Variants in TMEM145 observed in about 807,000 individuals in gnomAD.
TMEM145 encodes the protein transmembrane protein 145.
TMEM145 carries 46 observed loss-of-function variants against 68.5 expected under a neutral mutation model. That is an observed-to-expected ratio of 0.67 (90% CI 0.53 to 0.86). The LOEUF (loss-of-function observed/expected upper bound fraction) is 0.86. Among genes scored for constraint, TMEM145 ranks in the 40% least tolerant of loss-of-function variants. TMEM145 has a pLI of 0.00. For synonymous variants in TMEM145, 255 were observed against 280.2 expected, an observed-to-expected ratio of 0.91 and a Z score of 0.90; for missense variants, 570 against 645.8, an observed-to-expected ratio of 0.88 and a Z score of 1.27.
intron 6 of TMEM145, 25 bp from the exon 7 acceptor site, chr19:42,315,163 C>T: frequency 6.2e-7 from 1 of 1,613,388 alleles, no homozygotes; most frequent in African/African-American, 1.3e-5. Context: ...CTGAATGAAC[C>T]TTACTCCTCC....
rs142180057 is a variant in TMEM145 at position 42,315,108 on chromosome 19, C to T, written c.505+31C>T. On this transcript the variant is annotated intron_variant, in intron 6 of 14. Coordinates refer to ENST00000301204, the MANE Select transcript of TMEM145 (RefSeq NM_173633.3). ...CACGTGGGGACCTAGAAACCAGGCT[C>T]TCTGTGGGACACCAGAGCTGGGTGC... is the stretch of plus-strand genomic sequence containing the variant. The T allele has an allele frequency of 1.1e-4, 175 of 1,614,196 alleles. No individual in the cohort carries two copies. The African/African-American group carries it at 1.9e-3, about 17-fold the overall frequency.
At chr19:42,316,327 G>T (rs965765298) in intron 8 of TMEM145, among the ~76,000 whole-genome samples, 154 bp from the exon 9 acceptor site, 3 of 151,882 alleles carry the variant, frequency 2.0e-5, no homozygotes, top group Admixed American at 2.0e-4. Context: ...GTTGGGGGCT[G>T]GACTCCAGAT....
rs1336213620 is a variant in TMEM145 at position 42,316,921 on chromosome 19, G to C, written c.858G>C (p.Leu286=). 1.2e-6 allele frequency: 2 copies of C among 1,613,748 alleles called. No homozygotes were observed. Among genetic ancestry groups the C allele is most frequent in the Non-Finnish European group, 1.7e-6 (2 of 1,179,950 alleles). The change falls in exon 11 of 15, where the codon CTG becomes CTC. Residue 286 remains leucine (L), a synonymous_variant. Coordinates refer to ENST00000301204, the MANE Select transcript of TMEM145 (RefSeq NM_173633.3). The part of the protein sequence containing the change: ...GSVKLSVYMT[L]YTLTHVVLLI... ...TGAAGTTGTCTGTCTACATGACCCT[G>C]TACACGCTCACCCATGTGGTGCTGC...
chr19:42,316,835 C>T, intron 10 of TMEM145, 35 bp from the exon 11 acceptor site: 1 of 1,611,848 alleles, frequency 6.2e-7, no homozygotes, highest in Non-Finnish European at 8.5e-7. Flanking sequence ...CTGACGGCCC[C>T]CACCCTGCTG....
chr19:42,317,792 G>A lies in TMEM145; in HGVS notation c.984G>A (p.Val328=). 1 of 1,614,200 alleles carries A rather than the reference G, an allele frequency of 6.2e-7. No homozygotes were observed. The highest frequency in any genetic ancestry group is 8.5e-7 in the Non-Finnish European group (1 of 1,180,042). The change falls in exon 12 of 15, where the codon GTG becomes GTA. Residue 328 remains valine (V), a synonymous_variant. Coordinates refer to ENST00000301204, the MANE Select transcript of TMEM145 (RefSeq NM_173633.3). ...TTGGACTGCAGGTGGCGGCCTACGT[G>A]TGGTTCTGCTATGCTGTGCTTGTCT... ...GLIGLQVAAY[V]WFCYAVLVSL...
chr19:42,318,300 G>A (rs547874788), intron 12 of TMEM145, among the ~76,000 whole-genome samples: 3 of 150,268 alleles, frequency 2.0e-5, no homozygotes, highest in Admixed American at 6.6e-5. Context: ...CCCAGGAGGC[G>A]GAGCTTGCAG....
chr19:42,321,403 T>TA (rs2038910916), intron 13 of TMEM145: 1 of 339,448 alleles, frequency 2.9e-6, no homozygotes. Context: ...TTTTTTTTTT[T>TA]TTTTGAGACG....
chr19:42,320,723 G>T (rs1048449612), intron 13 of TMEM145, among the ~76,000 whole-genome samples: 1 of 151,844 alleles, frequency 6.6e-6, no homozygotes. Flanking sequence ...CGCCTCCCGG[G>T]TTCAAGTGAT....
chr19:42,315,427 A>G lies in TMEM145; in HGVS notation c.633A>G (p.Ala211=). 6.2e-7 allele frequency: 1 copy of G among 1,614,138 alleles called. No individual in the cohort carries two copies. The highest frequency in any genetic ancestry group is 8.5e-7 in the Non-Finnish European group (1 of 1,180,022). ...CAACTTATAAAATGTTCATGGCCGCAGCAGGAGTAGAGGGTGAGGTTCCGT... is the reference window on the plus strand; with the variant it reads ...CAACTTATAAAATGTTCATGGCCGCGGCAGGAGTAGAGGGTGAGGTTCCGT... ...LHTTYKMFMA[A]AGVEVLSLLF... Residue 211 remains alanine, a synonymous_variant, in exon 8 of 15, where the codon GCA becomes GCG. Coordinates refer to ENST00000301204, the MANE Select transcript of TMEM145 (RefSeq NM_173633.3).
At chr19:42,319,591 C>T (rs1032626865) in intron 12 of TMEM145, among the ~76,000 whole-genome samples, 1 of 151,438 alleles carries the variant, frequency 6.6e-6, no homozygotes, top group Non-Finnish European at 1.5e-5. Flanking sequence ...GGACTACAGG[C>T]GCATGCCACC....
rs1254341430 is a variant in TMEM145 at position 42,324,783 on chromosome 19, A to G, written c.1448A>G (p.Asp483Gly). The change falls in exon 15 of 15, where the codon GAC becomes GGC. Residue 483 changes from aspartate (D) to glycine (G), a missense_variant. Physicochemically the swap from Asp to Gly is moderately conservative, Grantham distance 94. Transcript: ENST00000301204. ...APDSGLPLFR[D>G]LRPPGPLRDL ...GATTCTGGGCTCCCGCTGTTCCGTG[A>G]CCTCCGGCCCCCTGGCCCCCTTCGA... 1.3e-6 allele frequency: 2 copies of G among 1,561,540 alleles called. No individual in the cohort carries two copies. The highest frequency in any genetic ancestry group is 2.5e-5 in the East Asian group (1 of 39,962).
intron 12 of TMEM145, among the ~76,000 whole-genome samples, chr19:42,318,936 T>C (rs889229036): frequency 2.0e-5 from 3 of 151,880 alleles, no homozygotes; most frequent in Non-Finnish European, 4.4e-5. Context: ...ACAAAAAAAT[T>C]AGCCAGGCAT....
intron 12 of TMEM145, among the ~76,000 whole-genome samples, chr19:42,318,899 T>A (rs933356108): frequency 6.6e-6 from 1 of 152,010 alleles, no homozygotes; most frequent in Non-Finnish European, 1.5e-5. Context: ...CTGGCCAACA[T>A]GGTAAAACCC....
At chr19:42,317,582 G>A in intron 11 of TMEM145, 127 bp from the exon 12 acceptor site, 2 of 778,528 alleles carry the variant, frequency 2.6e-6, no homozygotes, top group Non-Finnish European at 4.1e-6. Flanking sequence ...CTGTCTCCGT[G>A]CCTGGCTCTC....
chr19:42,322,493 G>A (rs560887237), intron 13 of TMEM145, among the ~76,000 whole-genome samples: 5 of 152,132 alleles, frequency 3.3e-5, no homozygotes, highest in East Asian at 1.9e-4. Context: ...GGATGCTCAC[G>A]TTAGCTCAGC....
intron 13 of TMEM145, 102 bp downstream of exon 13, chr19:42,320,539 G>A: frequency 2.6e-6 from 4 of 1,542,362 alleles, no homozygotes; most frequent in Non-Finnish European, 3.5e-6. Flanking sequence ...CTGAGGTCTT[G>A]ATCCATTTTC....
Position 42,324,301 on chromosome 19 carries a change from AGCGGTG to A in TMEM145, c.1402-431_1402-426del. On this transcript the variant is annotated intron_variant, in intron 14 of 14. Coordinates refer to ENST00000301204, the MANE Select transcript of TMEM145 (RefSeq NM_173633.3). The stretch of plus-strand genomic sequence containing the variant: ...AGGCCGGGAAGCAGGTGGAGGAGAC[AGCGGTG>A]GCGGCGGCGGTGGCCCCGAGGGGCC... 1.0e-5 allele frequency: 10 copies of A among 985,148 alleles called. No individual in the cohort carries two copies. The South Asian group carries it at 3.3e-4, about 32-fold the overall frequency. The allele number at this position is 985,148 out of a possible 1,614,324, so 61.0% of individuals were successfully genotyped here. A position where few individuals can be genotyped will look rare whatever the true frequency, so the allele number is the denominator to read the frequency against.
At chr19:42,322,705 T>A (rs187397111) in intron 13 of TMEM145, among the ~76,000 whole-genome samples, 57 of 151,180 alleles carry the variant, frequency 3.8e-4, no homozygotes, top group African/African-American at 1.2e-3. Flanking sequence ...TTATTTATTT[T>A]AAATTTTTTT....
chr19:42,315,446 G>C lies in TMEM145; in HGVS notation c.646+6G>C, dbSNP rs766818461. 1 of 1,614,090 alleles carries C rather than the reference G, an allele frequency of 6.2e-7. No homozygotes were observed. Among genetic ancestry groups the C allele is most frequent in the Non-Finnish European group, 8.5e-7 (1 of 1,180,002 alleles). ...GGCCGCAGCAGGAGTAGAGGGTGAG[G>C]TTCCGTGTCCCAACTTTTGGGTTCT... On this transcript the variant is annotated splice_donor_region_variant and intron_variant, in intron 8 of 14. Coordinates refer to ENST00000301204, the MANE Select transcript of TMEM145 (RefSeq NM_173633.3).
Sources: allele counts gnomAD v4.1 joint callset (sites outside exome capture counted in the v4.1 genomes callset), GRCh38; gene constraint gnomAD v4.1.1; transcripts MANE v1.5; gene names NCBI Gene and HGNC (gene_info 2026-07-23, HGNC 2026-07-21).